Variants in AK5 observed in about 807,000 individuals in gnomAD.
The protein encoded by AK5 is adenylate kinase isoenzyme 5.
In AK5, 27 loss-of-function variants were observed where a neutral mutation model predicts 69.5. The observed-to-expected ratio is 0.39, with a 90% CI of 0.29 to 0.54. The LOEUF is 0.54. AK5 is among the 20% of genes least tolerant of loss of function. AK5 has a pLI of 0.71. For synonymous variants in AK5, 260 were observed against 244.4 expected, an observed-to-expected ratio of 1.06 and a Z score of -0.60; for missense variants, 531 against 700.4, an observed-to-expected ratio of 0.76 and a Z score of 2.73.
intron 4 of AK5, 26 bp from the exon 5 acceptor site, chr1:77,297,808 T>C (rs1389131666): frequency 4.4e-6 from 7 of 1,605,990 alleles, no homozygotes; most frequent in Non-Finnish European, 5.9e-6. Context: ...GTGGGGTTTT[T>C]TTGTCATCCT....
At chr1:77,322,888 A>G (rs1660606550) in intron 5 of AK5, among the ~76,000 whole-genome samples, 1 of 152,198 alleles carries the variant, frequency 6.6e-6, no homozygotes, top group South Asian at 2.1e-4. Flanking sequence ...TAATTTTCCA[A>G]ATGCCCTATT....
chr1:77,361,204 C>T (rs1646856611), intron 6 of AK5, among the ~76,000 whole-genome samples: 2 of 152,206 alleles, frequency 1.3e-5, no homozygotes, highest in Non-Finnish European at 2.9e-5. Flanking sequence ...ACAGTCTCCT[C>T]TGTTTCTAAA....
At chr1:77,544,974 T>A (rs1659468105) in intron 13 of AK5, among the ~76,000 whole-genome samples, 1 of 152,210 alleles carries the variant, frequency 6.6e-6, no homozygotes, top group East Asian at 1.9e-4. Flanking sequence ...ATGTGAGTAA[T>A]CCATTGCGCT....
intron 13 of AK5, among the ~76,000 whole-genome samples, chr1:77,545,488 A>T (rs935826563): frequency 7.2e-5 from 11 of 152,226 alleles, no homozygotes; most frequent in Non-Finnish European, 1.5e-4. Flanking sequence ...GGTTGTTTCT[A>T]GTTCAGTTTG....
chr1:77,353,260 C>T (rs1363466497), intron 6 of AK5, among the ~76,000 whole-genome samples: 1 of 151,978 alleles, frequency 6.6e-6, no homozygotes, highest in Admixed American at 6.6e-5. Flanking sequence ...GGCGGATTGC[C>T]TGAGGTCAGG....
intron 8 of AK5, among the ~76,000 whole-genome samples, chr1:77,437,454 T>C (rs1177547352): frequency 1.3e-5 from 2 of 152,146 alleles, no homozygotes; most frequent in Non-Finnish European, 2.9e-5. Flanking sequence ...CCAAATTATA[T>C]TTCTGACAAA....
intron 5 of AK5, among the ~76,000 whole-genome samples, chr1:77,338,412 T>C (rs755218660): frequency 1.3e-5 from 2 of 152,146 alleles, no homozygotes; most frequent in African/African-American, 2.4e-5. Context: ...AATAAATAAG[T>C]TGAGATTTTA....
At chr1:77,415,458 T>C (rs1221740626) in intron 7 of AK5, among the ~76,000 whole-genome samples, 3 of 152,206 alleles carry the variant, frequency 2.0e-5, no homozygotes, top group African/African-American at 4.8e-5. Context: ...TTGAATCCAA[T>C]AGCTATCACC....
chr1:77,553,022 A>G (rs1347540369), intron 13 of AK5, among the ~76,000 whole-genome samples: 1 of 152,260 alleles, frequency 6.6e-6, no homozygotes, highest in Non-Finnish European at 1.5e-5. Context: ...CCTGGGTGAG[A>G]GAGCAAAACC....
chr1:77,518,362 T>C (rs1657786948), intron 10 of AK5, among the ~76,000 whole-genome samples: 1 of 152,194 alleles, frequency 6.6e-6, no homozygotes, highest in Admixed American at 6.5e-5. Flanking sequence ...TCATGGATAA[T>C]CTAAGCTCTT....
In AK5 at chr1:77,367,788, T is replaced by TATATATATTATATATA. The variant is rs1491156565; in HGVS notation, c.891+27226_891+27227insATTATATATAATATAT. On this transcript the variant is annotated intron_variant, in intron 6 of 13. Transcript: ENST00000354567. ...AATATATGTTATATATAATATATGT[T>TATATATATTATATATA]ATATATGTTATATATAATATATGTT... 1.1e-3 allele frequency among the ~76,000 whole-genome samples: 9 copies of TATATATATTATATATA among 8,388 alleles called. 2 individuals carry two copies. Among genetic ancestry groups the TATATATATTATATATA allele is most frequent in the Admixed American group, 6.7e-3 (2 of 300 alleles). 5.5% of individuals were successfully genotyped at this position (8,388 alleles called of 152,430 possible). A position where few individuals can be genotyped will look rare whatever the true frequency, so the allele number is the denominator to read the frequency against.
intron 6 of AK5, among the ~76,000 whole-genome samples, chr1:77,404,521 T>G (rs549998336): frequency 9.2e-5 from 14 of 152,296 alleles, no homozygotes; most frequent in Non-Finnish European, 1.6e-4. Flanking sequence ...CATCATTTTG[T>G]AAAAATCTTT....
intron 13 of AK5, among the ~76,000 whole-genome samples, chr1:77,539,227 C>T (rs1659145619): frequency 6.6e-6 from 1 of 152,192 alleles, no homozygotes; most frequent in African/African-American, 2.4e-5. Flanking sequence ...AGAACGGGAG[C>T]CTAGTCCAAA....
At chr1:77,315,247 T>A (rs1314678973) in intron 5 of AK5, among the ~76,000 whole-genome samples, 3 of 152,094 alleles carry the variant, frequency 2.0e-5, no homozygotes, top group African/African-American at 7.3e-5. Context: ...GAAGGATGTG[T>A]ATAGATTCTT....
At chr1:77,534,349 A>T (rs149493119) in intron 12 of AK5, among the ~76,000 whole-genome samples, 1 of 152,340 alleles carries the variant, frequency 6.6e-6, no homozygotes, top group East Asian at 1.9e-4. Flanking sequence ...GGGGAGACTC[A>T]TAACACAGAT....
At chr1:77,430,303 G>C (rs1008827974) in intron 8 of AK5, among the ~76,000 whole-genome samples, 1 of 152,148 alleles carries the variant, frequency 6.6e-6, no homozygotes, top group Non-Finnish European at 1.5e-5. Context: ...GAATGGATAT[G>C]GGAGCCAACA....
chr1:77,529,334 G>GTTTTTTTTTTTTTTTTTTTTTT (rs935476152), intron 12 of AK5, among the ~76,000 whole-genome samples: 2 of 138,032 alleles, frequency 1.4e-5, no homozygotes, highest in African/African-American at 5.4e-5. Context: ...CGTTTTATAG[G>GTTTTTTTTTTTTTTTTTTTTTT]TTTTTTTTTT....
intron 5 of AK5, chr1:77,314,539 T>C (rs967037254): frequency 6.6e-6 from 1 of 152,648 alleles, no homozygotes; most frequent in Non-Finnish European, 1.5e-5. Flanking sequence ...ATCATATATT[T>C]ATGGAGTACA....
chr1:77,327,033 A>G (rs1292484458), intron 5 of AK5, among the ~76,000 whole-genome samples: 3 of 152,196 alleles, frequency 2.0e-5, no homozygotes, highest in African/African-American at 7.2e-5. Context: ...TATAGTCAAT[A>G]TCATGAATTT....
Sources: allele counts gnomAD v4.1 joint callset (sites outside exome capture counted in the v4.1 genomes callset), GRCh38; gene constraint gnomAD v4.1.1; transcripts MANE v1.5; gene names NCBI Gene and HGNC (gene_info 2026-07-23, HGNC 2026-07-21).